ARHGAP24: variants seen among roughly 807,000 people sequenced by gnomAD.
ARHGAP24 encodes rho GTPase-activating protein 24.
Under a neutral mutation model 76.4 loss-of-function variants are expected in ARHGAP24, and 50 were observed. The ratio of observed to expected loss-of-function variants is 0.65; its 90% CI spans 0.52 to 0.83. The LOEUF is 0.83. Ranked by LOEUF, ARHGAP24 falls within the 40% of genes least tolerant of loss-of-function variation. The pLI, the probability that ARHGAP24 is intolerant of heterozygous loss-of-function variation, is 0.00. For missense variants in ARHGAP24, 930 were observed against 914.2 expected (o/e 1.02, Z -0.22); for synonymous variants, 345 against 323.3 (o/e 1.07, Z -0.72).
At chr4:85,496,281 G>A (rs143029733) in intron 1 of ARHGAP24, among the ~76,000 whole-genome samples, 1 of 152,336 alleles carries the variant, frequency 6.6e-6, no homozygotes, top group Non-Finnish European at 1.5e-5. Context: ...CCGAAATCTG[G>A]GAGAGCTTTT....
At position 85,551,839 on chromosome 4, in the gene ARHGAP24, T is replaced by TC. The variant is rs77221692; in HGVS notation, c.-20-18683_-20-18682insC. ...AGTTTTGTATAGTAGTCTCTGAGGG[T>TC]TTTTTTGTATTTCTGTGGTGTATTG... On this transcript the variant is annotated intron_variant, in intron 1 of 9. Coordinates refer to ENST00000395184, the MANE Select transcript of ARHGAP24 (RefSeq NM_001025616.3). 3.9e-3 allele frequency among the ~76,000 whole-genome samples: 14 copies of TC among 3,564 alleles called. No individual in the cohort carries two copies. The Non-Finnish European group carries it at 0.19, about 49-fold the overall frequency. The allele number at this position is 3,564 out of a possible 152,430, so 2.3% of individuals were successfully genotyped here.
At chr4:85,666,655 A>T (rs1296428941) in intron 2 of ARHGAP24, among the ~76,000 whole-genome samples, 1 of 152,008 alleles carries the variant, frequency 6.6e-6, no homozygotes, top group African/African-American at 2.4e-5. Flanking sequence ...GATGATGGTG[A>T]TGTACAGATG....
intron 2 of ARHGAP24, among the ~76,000 whole-genome samples, chr4:85,636,065 G>A (rs947831680): frequency 2.0e-5 from 3 of 150,792 alleles, no homozygotes; most frequent in African/African-American, 7.3e-5. Context: ...TTCCCTACAC[G>A]TTTCCTTTAA....
chr4:85,878,590 T>C (rs763045389), intron 3 of ARHGAP24, among the ~76,000 whole-genome samples: 3 of 152,142 alleles, frequency 2.0e-5, no homozygotes, highest in African/African-American at 2.4e-5. Context: ...AATCTTGAAG[T>C]GACATTAAAT....
chr4:85,540,916 CT>C (rs1366709755), intron 1 of ARHGAP24, among the ~76,000 whole-genome samples: 1 of 132,804 alleles, frequency 7.5e-6, no homozygotes, highest in African/African-American at 4.0e-5. Flanking sequence ...TGTCTTACTC[CT>C]TACAAAAGGG....
At chr4:85,918,094 G>A (rs1735522204) in intron 3 of ARHGAP24, among the ~76,000 whole-genome samples, 1 of 151,810 alleles carries the variant, frequency 6.6e-6, no homozygotes, top group Non-Finnish European at 1.5e-5. Context: ...AATGATGCAT[G>A]GTTAACATCT....
intron 2 of ARHGAP24, among the ~76,000 whole-genome samples, chr4:85,697,992 A>T (rs1221385290): frequency 2.6e-5 from 4 of 152,228 alleles, no homozygotes; most frequent in Non-Finnish European, 5.9e-5. Flanking sequence ...TTAGGCAAAC[A>T]TATACTATTA....
At chr4:85,940,994 C>G (rs1472390389) in intron 4 of ARHGAP24, among the ~76,000 whole-genome samples, 1 of 152,080 alleles carries the variant, frequency 6.6e-6, no homozygotes, top group Non-Finnish European at 1.5e-5. Flanking sequence ...TAATCTAATG[C>G]CTGTTAAATA....
At chr4:85,765,816 T>C (rs1726911013) in intron 3 of ARHGAP24, among the ~76,000 whole-genome samples, 1 of 152,116 alleles carries the variant, frequency 6.6e-6, no homozygotes, top group Non-Finnish European at 1.5e-5. Context: ...ATACCCACTC[T>C]ATTTTAAAAC....
chr4:85,680,863 C>T (rs918870087), intron 2 of ARHGAP24, among the ~76,000 whole-genome samples: 3 of 151,266 alleles, frequency 2.0e-5, no homozygotes, highest in Non-Finnish European at 2.9e-5. Flanking sequence ...TCACAGCCTT[C>T]CTGAAGCTTA....
chr4:85,775,236 A>G (rs1308488102), intron 3 of ARHGAP24, among the ~76,000 whole-genome samples: 3 of 152,160 alleles, frequency 2.0e-5, no homozygotes, highest in African/African-American at 7.2e-5. Flanking sequence ...TGGTAGCATC[A>G]TCCTGAATGA....
chr4:85,945,919 C>T (rs1475716518), intron 5 of ARHGAP24, among the ~76,000 whole-genome samples: 1 of 151,944 alleles, frequency 6.6e-6, no homozygotes, highest in Non-Finnish European at 1.5e-5. Flanking sequence ...CTGATAAAGA[C>T]ATATCTGAGA....
intron 4 of ARHGAP24, among the ~76,000 whole-genome samples, chr4:85,929,135 T>A (rs976747079): frequency 2.0e-5 from 3 of 152,174 alleles, no homozygotes; most frequent in Non-Finnish European, 4.4e-5. Context: ...GTCAGTGGAT[T>A]TTTCTATTGG....
At chr4:85,724,491 GTA>G (rs60930279) in intron 3 of ARHGAP24, among the ~76,000 whole-genome samples, 730 of 10,470 alleles carry the variant, frequency 0.07, 11 homozygotes, top group African/African-American at 0.085. Context: ...TTCCATGTGT[GTA>G]TATATATATA....
rs72975001 is a variant in ARHGAP24, at chr4:85,740,807, C to T, written c.268+18835C>T. On this transcript the variant is annotated intron_variant, in intron 3 of 9. Transcript: ENST00000395184. ...CTCTTCCTTGCAATCATCCTCACTTCAGAGAATATTTAACAATATACTGTT... is the reference window on the plus strand; with the variant it reads ...CTCTTCCTTGCAATCATCCTCACTTTAGAGAATATTTAACAATATACTGTT... 7.2e-3 allele frequency among the ~76,000 whole-genome samples: 1,091 copies of T among 152,258 alleles called. 16 individuals are homozygous for T. Among genetic ancestry groups the T allele is most frequent in the African/African-American group, 0.024 (987 of 41,558 alleles).
chr4:85,594,984 CTT>C (rs11331286), intron 2 of ARHGAP24, among the ~76,000 whole-genome samples: 11 of 149,024 alleles, frequency 7.4e-5, no homozygotes, highest in South Asian at 2.1e-4. Context: ...ACTTTCTCCT[CTT>C]TTTTTTTTTG....
chr4:85,708,334 T>C (rs963121563), intron 2 of ARHGAP24, among the ~76,000 whole-genome samples: 2 of 152,194 alleles, frequency 1.3e-5, no homozygotes, highest in African/African-American at 2.4e-5. Flanking sequence ...AGCTGCTATT[T>C]ACTAATCCCT....
At chr4:85,951,473 G>T (rs1317921055) in intron 5 of ARHGAP24, among the ~76,000 whole-genome samples, 1 of 152,034 alleles carries the variant, frequency 6.6e-6, no homozygotes, top group African/African-American at 2.4e-5. Flanking sequence ...TCTCACCCAG[G>T]TTCTTTAATC....
intron 8 of ARHGAP24, among the ~76,000 whole-genome samples, chr4:85,982,092 T>C (rs1245360826): frequency 6.6e-6 from 1 of 151,604 alleles, no homozygotes; most frequent in Non-Finnish European, 1.5e-5. Context: ...ATGTTGCCCA[T>C]GAGTTTTGAC....
Sources: gnomAD v4.1 joint callset for allele counts (sites outside exome capture counted in the v4.1 genomes callset) on GRCh38, gnomAD v4.1.1 for gene constraint, MANE v1.5 for transcripts, NCBI Gene and HGNC (gene_info 2026-07-23, HGNC 2026-07-21) for gene names.